The following PSMD1 variants were observed in gnomAD, a reference collection of about 807,000 sequenced individuals.
The protein encoded by PSMD1 is 26S proteasome non-ATPase regulatory subunit 1.
A neutral mutation model predicts 119.0 loss-of-function variants in PSMD1; 18 were observed. The observed-to-expected ratio is 0.15, with a 90% CI of 0.10 to 0.22. The LOEUF (loss-of-function observed/expected upper bound fraction) is 0.22, where lower values mean the gene tolerates loss of function less well. PSMD1 is among the 10% of genes least tolerant of loss of function. The pLI is 1.00. For missense variants in PSMD1, 702 were observed against 1,158.5 expected (o/e 0.61, Z 5.72); for synonymous variants, 374 against 396.6 (o/e 0.94, Z 0.68).
chr2:231,083,294 T>C (rs1197614745), intron 13 of PSMD1, among the ~76,000 whole-genome samples: 5 of 152,218 alleles, frequency 3.3e-5, no homozygotes, highest in Non-Finnish European at 5.9e-5. Context: ...AAAAATGTTA[T>C]CTAAATGTCT....
intron 16 of PSMD1, chr2:231,109,408 G>A: frequency 6.2e-7 from 1 of 1,613,352 alleles, no homozygotes; most frequent in Non-Finnish European, 8.5e-7. Flanking sequence ...GAATGGCAAT[G>A]CCTAAGGAAG....
At chr2:231,061,393 C>T in intron 2 of PSMD1, 83 bp downstream of exon 2, 2 of 1,193,942 alleles carry the variant, frequency 1.7e-6, no homozygotes, top group Non-Finnish European at 1.2e-6. Context: ...AATCTTCCAT[C>T]ATTTAAAGTT....
chr2:231,152,216 G>A (rs986594980), intron 18 of PSMD1, among the ~76,000 whole-genome samples: 49 of 152,318 alleles, frequency 3.2e-4, no homozygotes, highest in African/African-American at 1.0e-3. Flanking sequence ...TTAAGTGGTT[G>A]TGTGCTGGGT....
In PSMD1 at chr2:231,070,088, C is replaced by A. The variant is rs774465316; in HGVS notation, c.574C>A (p.Gln192Lys). Residue 192 changes from glutamine to lysine, a missense_variant, in exon 6 of 25, where the codon CAG (glutamine) becomes AAG (lysine). Gln to Lys is a moderately conservative substitution (Grantham distance 53). Coordinates refer to ENST00000308696, the MANE Select transcript of PSMD1 (RefSeq NM_002807.4). ...KLCMSLMQNK[Q>K]FRNKVLRVLV... ...CTGCATGTCTTTAATGCAGAATAAA[C>A]AGTTTCGGAATAAAGTACTAAGAGT... 7.0e-6 allele frequency: 11 copies of A among 1,578,086 alleles called. No individual in the cohort carries two copies. In the Admixed American group the frequency reaches 9.8e-5, roughly 14 times the overall value.
chr2:231,065,714 A>G (rs920016758), intron 4 of PSMD1, among the ~76,000 whole-genome samples: 1 of 152,186 alleles, frequency 6.6e-6, no homozygotes, highest in Non-Finnish European at 1.5e-5. Flanking sequence ...ATTGCAAACA[A>G]ATGTTTCTTA....
chr2:231,070,089 A>C lies in PSMD1; in HGVS notation c.575A>C (p.Gln192Pro), dbSNP rs748201534. The change falls in exon 6 of 25, where the codon CAG becomes CCG. Residue 192 changes from glutamine to proline, a missense_variant. Coordinates refer to ENST00000308696, the MANE Select transcript of PSMD1 (RefSeq NM_002807.4). Reference protein sequence around the residue: ...KLCMSLMQNKQFRNKVLRVLV... With the variant: ...KLCMSLMQNKPFRNKVLRVLV... ...TGCATGTCTTTAATGCAGAATAAAC[A>C]GTTTCGGAATAAAGTACTAAGAGTT... The C allele has an allele frequency of 6.3e-7, 1 of 1,579,262 alleles. No individual in the cohort carries two copies.
intron 16 of PSMD1, among the ~76,000 whole-genome samples, chr2:231,092,136 G>C (rs1027474041): frequency 6.6e-6 from 1 of 152,210 alleles, no homozygotes; most frequent in South Asian, 2.1e-4. Context: ...TTTTATAAGT[G>C]TGCCTATGAA....
chr2:231,085,165 A>G (rs761996119), intron 15 of PSMD1, 51 bp downstream of exon 15: 3 of 1,460,856 alleles, frequency 2.1e-6, no homozygotes, highest in African/African-American at 2.8e-5. Flanking sequence ...AAGCTTGCAG[A>G]TGGACAATAA....
At chr2:231,146,431 C>A in intron 18 of PSMD1, 75 bp downstream of exon 18, 3 of 1,123,536 alleles carry the variant, frequency 2.7e-6, no homozygotes, top group Non-Finnish European at 4.0e-6. Context: ...CTTTTGAGGA[C>A]GTTTTTTAGT....
Position 231,069,712 on chromosome 2 carries a change from T to A in PSMD1, c.511-313T>A, listed in dbSNP as rs367625079. ...TTGGAAAACATAGCTACTTAGTGTATGGACAGTTGTATATCTTTTATAATA... is the reference window on the plus strand; with the variant it reads ...TTGGAAAACATAGCTACTTAGTGTAAGGACAGTTGTATATCTTTTATAATA... On this transcript the variant is annotated intron_variant, in intron 5 of 24. Transcript: ENST00000308696. Among the ~76,000 whole-genome samples the A allele has an allele frequency of 2.6e-5, 4 of 152,220 alleles. No homozygotes were observed. The South Asian group carries it at 8.3e-4, about 31-fold the overall frequency.
chr2:231,082,775 G>A, intron 12 of PSMD1, 108 bp from the exon 13 acceptor site: 1 of 770,972 alleles, frequency 1.3e-6, no homozygotes, highest in Non-Finnish European at 2.1e-6. Flanking sequence ...CATTCTTACT[G>A]AGCCAACCTC....
intron 19 of PSMD1, among the ~76,000 whole-genome samples, chr2:231,159,054 A>C (rs1254471674): frequency 2.6e-5 from 4 of 152,174 alleles, no homozygotes; most frequent in African/African-American, 9.7e-5. Flanking sequence ...TGGTTTAGTC[A>C]AGTCAAGTCA....
chr2:231,115,443 C>T (rs1027990852), intron 16 of PSMD1, among the ~76,000 whole-genome samples: 36 of 152,054 alleles, frequency 2.4e-4, no homozygotes, highest in Non-Finnish European at 5.3e-4. Context: ...ATAACAAAAT[C>T]AGCACAAACT....
chr2:231,060,511 A>G (rs1019473656), intron 1 of PSMD1: 8 of 152,186 alleles, frequency 5.3e-5, no homozygotes, highest in Non-Finnish European at 1.0e-4. Flanking sequence ...TTTTTCCAAT[A>G]ATCCCTTTGA....
intron 19 of PSMD1, among the ~76,000 whole-genome samples, chr2:231,159,189 ACAAGC>A (rs1696577122): frequency 6.6e-6 from 1 of 152,240 alleles, no homozygotes; most frequent in African/African-American, 2.4e-5. Flanking sequence ...TTAGGCACAG[ACAAGC>A]CCCATTTTTA....
At chr2:231,123,511 A>G (rs2125232986) in intron 16 of PSMD1, 6 of 1,614,114 alleles carry the variant, frequency 3.7e-6, no homozygotes, top group Non-Finnish European at 5.1e-6. Context: ...AGCATACTGC[A>G]GCTTCTTCTC....
intron 8 of PSMD1, among the ~76,000 whole-genome samples, chr2:231,075,924 C>T (rs1297484327): frequency 6.6e-6 from 1 of 152,112 alleles, no homozygotes; most frequent in Non-Finnish European, 1.5e-5. Flanking sequence ...GAGATTGTTA[C>T]TTAATAAATA....
At chr2:231,157,751 G>C (rs560726762) in intron 19 of PSMD1, among the ~76,000 whole-genome samples, 5 of 151,566 alleles carry the variant, frequency 3.3e-5, no homozygotes, top group Non-Finnish European at 7.4e-5. Context: ...TATTTTAGTG[G>C]AGACTAGGTT....
intron 16 of PSMD1, among the ~76,000 whole-genome samples, chr2:231,100,368 G>T (rs1694834047): frequency 6.6e-6 from 1 of 152,164 alleles, no homozygotes; most frequent in Non-Finnish European, 1.5e-5. Flanking sequence ...TCCCCTGTTG[G>T]CAAGGGTTAG....
Sources: allele counts gnomAD v4.1 joint callset (sites outside exome capture counted in the v4.1 genomes callset), GRCh38; gene constraint gnomAD v4.1.1; transcripts MANE v1.5; gene names NCBI Gene and HGNC (gene_info 2026-07-23, HGNC 2026-07-21).